NLGN1: variants seen among roughly 807,000 people sequenced by gnomAD.
The protein encoded by NLGN1 is neuroligin 1, also known as neuroligin-1.
NLGN1 carries 12 observed loss-of-function variants against 65.5 expected under a neutral mutation model. The observed-to-expected ratio is 0.18, with a 90% CI of 0.12 to 0.30. NLGN1 has a LOEUF of 0.30. Ranked by LOEUF, NLGN1 falls within the 10% of genes least tolerant of loss-of-function variation. The pLI, the probability that NLGN1 is intolerant of heterozygous loss-of-function variation, is 1.00. For synonymous variants in NLGN1, 350 were observed against 359.5 expected, an observed-to-expected ratio of 0.97 and a Z score of 0.30; for missense variants, 750 against 1,007.1, an observed-to-expected ratio of 0.74 and a Z score of 3.46.
At chr3:173,777,651 A>G (rs560108881) in intron 3 of NLGN1, among the ~76,000 whole-genome samples, 22 of 149,336 alleles carry the variant, frequency 1.5e-4, no homozygotes, top group African/African-American at 2.9e-4. Context: ...CTATCTATCT[A>G]TCTATCTATC....
rs568632985 is a variant in NLGN1 at position 174,014,177 on chromosome 3, G to T, written c.646+206345G>T. On this transcript the variant is annotated intron_variant, in intron 4 of 6. Transcript: ENST00000457714. ...AAATTGAAAATAACCCAAGCCCCAA[G>T]CCCCGTGAAACATATAAAAAGAAAA... 1.6e-4 allele frequency among the ~76,000 whole-genome samples: 25 copies of T among 152,136 alleles called. No individual in the cohort carries two copies. In the South Asian group the frequency reaches 5.2e-3, roughly 32 times the overall value.
At chr3:173,759,803 T>C (rs1175524623) in intron 3 of NLGN1, among the ~76,000 whole-genome samples, 2 of 151,994 alleles carry the variant, frequency 1.3e-5, no homozygotes, top group Non-Finnish European at 2.9e-5. Context: ...TTGTATATAA[T>C]ACAAAATATT....
At chr3:173,685,885 A>G (rs751448814) in intron 3 of NLGN1, 36 of 777,106 alleles carry the variant, frequency 4.6e-5, no homozygotes, top group Non-Finnish European at 5.6e-5. Context: ...TAAAATTAAT[A>G]CTTCTTTCAC....
intron 4 of NLGN1, among the ~76,000 whole-genome samples, chr3:174,173,288 G>T (rs919914266): frequency 3.3e-5 from 5 of 151,790 alleles, no homozygotes; most frequent in African/African-American, 1.2e-4. Context: ...TTCCAATTTG[G>T]ATGCCCTTTA....
At chr3:174,225,785 G>A (rs4894660) in intron 4 of NLGN1, among the ~76,000 whole-genome samples, 111,304 of 151,814 alleles carry the variant, frequency 0.73, 40,864 homozygotes, top group East Asian at 0.81. Flanking sequence ...CTAAGGGGGA[G>A]GAAAAATATT....
At chr3:174,104,243 A>C (rs572378009) in intron 4 of NLGN1, among the ~76,000 whole-genome samples, 1 of 152,212 alleles carries the variant, frequency 6.6e-6, no homozygotes, top group East Asian at 1.9e-4. Flanking sequence ...ATATTATAGT[A>C]ATATTTCACT....
chr3:173,771,607 T>C (rs992486435), intron 3 of NLGN1, among the ~76,000 whole-genome samples: 1 of 152,236 alleles, frequency 6.6e-6, no homozygotes, highest in African/African-American at 2.4e-5. Context: ...ACCATATTTT[T>C]AAAATAATGG....
rs561024043 is a variant in NLGN1, at chr3:174,132,523, A to AT, written c.647-142786dup. Among the ~76,000 whole-genome samples, 32 of 151,994 alleles carry AT rather than the reference A, an allele frequency of 2.1e-4. No individual in the cohort carries two copies. In the South Asian group the frequency reaches 6.0e-3, roughly 29 times the overall value. ...TGGCCCTGTCTTGAGGGATTTATGG[A>AT]TTTTTTCAGTCTGTTTATAACCTCC... On this transcript the variant is annotated intron_variant, in intron 4 of 6. Transcript: ENST00000457714.
At chr3:174,240,331 C>T (rs1006164159) in intron 4 of NLGN1, among the ~76,000 whole-genome samples, 4 of 149,094 alleles carry the variant, frequency 2.7e-5, no homozygotes, top group African/African-American at 1.0e-4. Flanking sequence ...TTAGAATTTT[C>T]CAAAGAAAGA....
intron 4 of NLGN1, among the ~76,000 whole-genome samples, chr3:173,975,264 T>C (rs1243842639): frequency 1.3e-5 from 2 of 151,978 alleles, no homozygotes; most frequent in African/African-American, 4.8e-5. Flanking sequence ...CACCTGGATA[T>C]TTTTGAGTAG....
intron 2 of NLGN1, among the ~76,000 whole-genome samples, chr3:173,490,187 T>G (rs1188008877): frequency 1.3e-5 from 2 of 151,768 alleles, no homozygotes; most frequent in Non-Finnish European, 2.9e-5. Flanking sequence ...TGGTATTTTT[T>G]TATTGCCTAG....
At chr3:174,294,257 C>A in the NLGN1 span, among the ~76,000 whole-genome samples, 11 of 151,494 alleles carry the variant, frequency 7.3e-5, 1 homozygote, top group South Asian at 2.3e-3. Context: ...CATTGTATTT[C>A]TTTTTATATT....
chr3:173,505,468 C>T (rs1731870284), intron 2 of NLGN1, among the ~76,000 whole-genome samples: 1 of 152,034 alleles, frequency 6.6e-6, no homozygotes, highest in African/African-American at 2.4e-5. Flanking sequence ...TTAATATAGC[C>T]CATAATGCCC....
chr3:174,122,790 A>G (rs998605684), intron 4 of NLGN1, among the ~76,000 whole-genome samples: 1 of 152,064 alleles, frequency 6.6e-6, no homozygotes, highest in African/African-American at 2.4e-5. Context: ...CAGAGAGAAG[A>G]TGAATTTTTT....
intron 4 of NLGN1, among the ~76,000 whole-genome samples, chr3:173,887,152 AAAC>A (rs1734494628): frequency 6.6e-6 from 1 of 152,036 alleles, no homozygotes; most frequent in South Asian, 2.1e-4. Flanking sequence ...TGTGATTCTT[AAAC>A]AATATTCATT....
rs1258804860 is a variant in NLGN1 at position 173,419,003 on chromosome 3, T to C, written c.-389-16007T>C. Among the ~76,000 whole-genome samples the C allele has an allele frequency of 1.3e-4, 19 of 148,148 alleles. No individual in the cohort carries two copies. In the Admixed American group the frequency reaches 1.3e-3, roughly 10 times the overall value. On this transcript the variant is annotated intron_variant, in intron 1 of 6. Transcript: ENST00000457714. Reference sequence around the variant, plus strand: ...TTTTTTGCAGTTTCCTTTCTGTTCTTTAGCTTTCTTCTTCTTCTTTTTTTT... The same window carrying C: ...TTTTTTGCAGTTTCCTTTCTGTTCTCTAGCTTTCTTCTTCTTCTTTTTTTT...
At chr3:173,999,462 A>G (rs1013125409) in intron 4 of NLGN1, among the ~76,000 whole-genome samples, 4 of 152,174 alleles carry the variant, frequency 2.6e-5, no homozygotes, top group Non-Finnish European at 4.4e-5. Context: ...CTCTAAATAT[A>G]TGTTGTAAAA....
At chr3:173,991,141 T>C (rs1375666350) in intron 4 of NLGN1, among the ~76,000 whole-genome samples, 1 of 152,144 alleles carries the variant, frequency 6.6e-6, no homozygotes, top group Non-Finnish European at 1.5e-5. Flanking sequence ...ATGTATGACA[T>C]ATATCCAGTC....
chr3:173,952,409 T>A (rs1038045247), intron 4 of NLGN1, among the ~76,000 whole-genome samples: 4 of 152,204 alleles, frequency 2.6e-5, no homozygotes, highest in African/African-American at 9.7e-5. Flanking sequence ...CGTGACATTT[T>A]TTTTATTCCT....
Sources: gnomAD v4.1 joint callset for allele counts (sites outside exome capture counted in the v4.1 genomes callset) on GRCh38, gnomAD v4.1.1 for gene constraint, MANE v1.5 for transcripts, NCBI Gene and HGNC (gene_info 2026-07-23, HGNC 2026-07-21) for gene names.